Variants in HIP1R observed in about 807,000 individuals in gnomAD.
The protein encoded by HIP1R is huntingtin-interacting protein 1-related protein.
In HIP1R, 135 loss-of-function variants were observed where a neutral mutation model predicts 144.2. The observed-to-expected ratio is 0.94, with a 90% CI of 0.81 to 1.08. The LOEUF (loss-of-function observed/expected upper bound fraction) is 1.08. Among genes scored for constraint, HIP1R ranks in the 50% least tolerant of loss-of-function variants. The pLI, the probability that HIP1R is intolerant of heterozygous loss-of-function variation, is 0.00. For synonymous variants in HIP1R, 698 were observed against 612.8 expected, an observed-to-expected ratio of 1.14 and a Z score of -2.05; for missense variants, 1,462 against 1,432.8, an observed-to-expected ratio of 1.02 and a Z score of -0.33.
rs569194997 is a variant in HIP1R, at chr12:122,860,011, C to T, written c.2466-36C>T. ...CCATGGCGTCGTGTGGGCTGCTCTG[C>T]AGAGCGGCAGCTAAGTCTCTCCTTC... On this transcript the variant is annotated intron_variant, in intron 24 of 31. Coordinates refer to ENST00000253083, the MANE Select transcript of HIP1R (RefSeq NM_003959.3). 22 of 1,541,446 alleles carry T rather than the reference C, an allele frequency of 1.4e-5. No individual in the cohort carries two copies. The South Asian group carries it at 1.8e-4, about 12-fold the overall frequency.
intron 4 of HIP1R, 49 bp from the exon 5 acceptor site, chr12:122,849,826 T>G (rs1051141839): frequency 4.3e-6 from 6 of 1,391,164 alleles, no homozygotes; most frequent in Non-Finnish European, 6.1e-6. Flanking sequence ...TGAGGACTCT[T>G]GGACGTGTTC....
At position 122,856,827 on chromosome 12, in the gene HIP1R, G is replaced by A. The variant is rs77941312; in HGVS notation, c.1620+101G>A. On this transcript the variant is annotated intron_variant, in intron 17 of 31. Coordinates refer to ENST00000253083, the MANE Select transcript of HIP1R (RefSeq NM_003959.3). ...AACAGGCCCCACCTGGGTGCCACTC[G>A]GTGATCCTGGGATGCAGCCCTGACC... is the stretch of plus-strand genomic sequence containing the variant. 9,914 of 1,139,566 alleles carry A rather than the reference G, an allele frequency of 8.7e-3. 597 individuals are homozygous for A. The African/African-American group carries it at 0.13, about 15-fold the overall frequency. 70.6% of individuals were successfully genotyped at this position (1,139,566 alleles called of 1,614,324 possible). A position where few individuals can be genotyped will look rare whatever the true frequency, so the allele number is the denominator to read the frequency against.
chr12:122,848,743 C>T, intron 3 of HIP1R, 53 bp from the exon 4 acceptor site: 5 of 1,606,556 alleles, frequency 3.1e-6, no homozygotes, highest in Middle Eastern at 1.7e-4. Context: ...TGTCTCAGGG[C>T]CCTGCCACAC....
Position 122,859,518 on chromosome 12 carries a change from T to A in HIP1R, c.2388T>A (p.Asp796Glu). The A allele has an allele frequency of 6.2e-7, 1 of 1,612,724 alleles. No homozygotes were observed. Among genetic ancestry groups the A allele is most frequent in the Non-Finnish European group, 8.5e-7 (1 of 1,179,256 alleles). ...CGGCCACATCCGCAGCCATTGAAGATGCTGTGCGGAGGATTGAGGTGAGCA... is the reference window on the plus strand; with the variant it reads ...CGGCCACATCCGCAGCCATTGAAGAAGCTGTGCGGAGGATTGAGGTGAGCA... The part of the protein sequence containing the change: ...EMAATSAAIE[D>E]AVRRIEDMMN... The change falls in exon 23 of 32, where the codon GAT becomes GAA. Residue 796 changes from aspartate (D) to glutamate (E), a missense_variant. Physicochemically the swap from Asp to Glu is conservative, Grantham distance 45. Transcript: ENST00000253083.
intron 21 of HIP1R, 22 bp from the exon 22 acceptor site, chr12:122,859,039 T>C (rs370740155): frequency 5.1e-5 from 82 of 1,605,106 alleles, no homozygotes; most frequent in Admixed American, 1.2e-4. Context: ...GGGGCTCCAC[T>C]CACGGTCCTT....
At chr12:122,860,810 C>T (rs1566116024) in intron 28 of HIP1R, 26 bp downstream of exon 28, 1 of 1,606,942 alleles carries the variant, frequency 6.2e-7, no homozygotes, top group South Asian at 1.1e-5. Flanking sequence ...GACAGCAGCA[C>T]ACTGGGCTCT....
chr12:122,859,694 G>T (rs772128412), intron 23 of HIP1R, 78 bp from the exon 24 acceptor site: 2 of 1,524,374 alleles, frequency 1.3e-6, no homozygotes, highest in Non-Finnish European at 1.8e-6. Flanking sequence ...GAGCTGAGAG[G>T]GCAGGAGGCA....
At position 122,858,487 on chromosome 12, in the gene HIP1R, G is replaced by A. The variant is rs776383675; in HGVS notation, c.2050+52G>A. ...GCGGGGGCTGTGTCCCAGTTCCAGC[G>A]CCCATGGCCACCTCTTGCCTTTTGG... is the stretch of plus-strand genomic sequence containing the variant. On this transcript the variant is annotated intron_variant, in intron 20 of 31. Transcript: ENST00000253083. The A allele has an allele frequency of 6.5e-5, 93 of 1,421,764 alleles. 1 individual carries two copies. Among genetic ancestry groups the A allele is most frequent in the Non-Finnish European group, 8.5e-5 (88 of 1,039,838 alleles). 88.1% of individuals were successfully genotyped at this position (1,421,764 alleles called of 1,614,324 possible).
rs752292652 is a variant in HIP1R at position 122,856,336 on chromosome 12, C to G, written c.1393C>G (p.Leu465Val). 1 of 1,613,868 alleles carries G rather than the reference C, an allele frequency of 6.2e-7. No individual in the cohort carries two copies. The highest frequency in any genetic ancestry group is 1.7e-5 in the Admixed American group (1 of 60,020). The change falls in exon 15 of 32, where the codon CTC (leucine) becomes GTC (valine). Residue 465 changes from leucine (L) to valine (V), a missense_variant. Around this residue, in one of 2 missense-constraint regions of HIP1R, gnomAD observed 1,112 missense variants for 1,011.7 expected, o/e 1.10. Coordinates refer to ENST00000253083, the MANE Select transcript of HIP1R (RefSeq NM_003959.3). ...GCTCGTCCATGTGCACGCGGAGCTG[C>G]TCAGAAAGGTAGGTGCAGCCCATCC... ...SELVHVHAEL[L>V]RKNADTAKQL...
rs1312886403 is a variant in HIP1R at position 122,855,486 on chromosome 12, C to T, written c.994-65C>T. 3.2e-6 allele frequency: 5 copies of T among 1,548,078 alleles called. No individual in the cohort carries two copies. In the East Asian group the frequency reaches 7.3e-5, roughly 23 times the overall value. ...ACGGGAGTGTCGGGTGGCCAGCCCT[C>T]CCTTTGCCCACTGCCCGGCCTGGAG... On this transcript the variant is annotated intron_variant, in intron 11 of 31. Coordinates refer to ENST00000253083, the MANE Select transcript of HIP1R (RefSeq NM_003959.3).
chr12:122,860,863 G>A, intron 28 of HIP1R, 53 bp from the exon 29 acceptor site: 1 of 1,597,454 alleles, frequency 6.3e-7, no homozygotes, highest in Non-Finnish European at 8.5e-7. Flanking sequence ...GCCCAGGCCT[G>A]CTGCTGCCCT....
chr12:122,858,379 T>G lies in HIP1R; in HGVS notation c.1994T>G (p.Leu665Trp), dbSNP rs199861869. Reference sequence around the variant, plus strand: ...CTGGTGAGCAGGGCCCAGGAGGCCTTGGATGCCGTGAGCACCCTGGAGGAG... The same window carrying G: ...CTGGTGAGCAGGGCCCAGGAGGCCTGGGATGCCGTGAGCACCCTGGAGGAG... ...DYLVSRAQEA[L>W]DAVSTLEEGH... Residue 665 changes from leucine (L) to tryptophan (W), a missense_variant, in exon 20 of 32, where the codon TTG (leucine) becomes TGG (tryptophan). This residue lies in a region of HIP1R where 1,112 missense variants were observed against 1,011.7 expected (regional missense o/e 1.10). Coordinates refer to ENST00000253083, the MANE Select transcript of HIP1R (RefSeq NM_003959.3). The G allele has an allele frequency of 6.2e-7, 1 of 1,610,756 alleles. No individual in the cohort carries two copies. The highest frequency in any genetic ancestry group is 1.3e-5 in the African/African-American group (1 of 74,970).
chr12:122,858,490 C>T, intron 20 of HIP1R, 55 bp downstream of exon 20: 2 of 1,397,450 alleles, frequency 1.4e-6, no homozygotes, highest in East Asian at 2.3e-5. Flanking sequence ...TTCCAGCGCC[C>T]ATGGCCACCT....
In HIP1R at chr12:122,840,120, G is replaced by A. The variant is rs866464249; in HGVS notation, c.93+4477G>A. ...GATGCCCTCGTGGTGATGCCCGGCA[G>A]GCCGCTGACTTCCCGACCCCTGGGC... On this transcript the variant is annotated intron_variant, in intron 1 of 31. Transcript: ENST00000253083. The surrounding 1 kb of genome is among the most constrained non-coding windows in gnomAD (Gnocchi z 4.2). Among the ~76,000 whole-genome samples the A allele has an allele frequency of 6.6e-6, 1 of 152,264 alleles. No individual in the cohort carries two copies. The highest frequency in any genetic ancestry group is 2.4e-5 in the African/African-American group (1 of 41,468).
chr12:122,837,137 C>T (rs765398656), intron 1 of HIP1R, among the ~76,000 whole-genome samples: 1 of 152,064 alleles, frequency 6.6e-6, no homozygotes, highest in Non-Finnish European at 1.5e-5. Flanking sequence ...TTTCTCGTGC[C>T]TTTGAGGACG....
Position 122,861,171 on chromosome 12 carries a change from G to T in HIP1R, c.2931G>T (p.Lys977Asn), listed in dbSNP as rs1331362626. Residue 977 changes from lysine to asparagine, a missense_variant, in exon 30 of 32, where the codon AAG (lysine) becomes AAT (asparagine). This residue lies in a region of HIP1R where 1,112 missense variants were observed against 1,011.7 expected (regional missense o/e 1.10). Transcript: ENST00000253083. The part of the protein sequence containing the change: ...DFSGLSLIKL[K>N]KQEMETQVRV... ...CCGGCCTGTCCCTCATCAAGCTGAA[G>T]AAGCAGGAGATGGAGACCCAGGTAG... 2.5e-6 allele frequency: 4 copies of T among 1,609,684 alleles called. No homozygotes were observed. The highest frequency in any genetic ancestry group is 2.5e-6 in the Non-Finnish European group (3 of 1,179,248).
chr12:122,841,909 C>A (rs1428581285), intron 1 of HIP1R, among the ~76,000 whole-genome samples: 1 of 152,128 alleles, frequency 6.6e-6, no homozygotes, highest in Non-Finnish European at 1.5e-5. Context: ...GGGAGCTTTC[C>A]TAAACGCTGA....
intron 12 of HIP1R, 93 bp downstream of exon 12, chr12:122,855,705 G>A: frequency 6.6e-7 from 1 of 1,516,462 alleles, no homozygotes; most frequent in South Asian, 1.2e-5. Flanking sequence ...AAGGCCATAG[G>A]TGGGGAACAT....
chr12:122,862,031 GTTT>G lies in HIP1R; in HGVS notation c.*281_*283del, dbSNP rs1168532529. 2.2e-6 allele frequency: 1 copy of G among 452,958 alleles called. No homozygotes were observed. Among genetic ancestry groups the G allele is most frequent in the African/African-American group, 2.0e-5 (1 of 49,270 alleles). 28.1% of individuals were successfully genotyped at this position (452,958 alleles called of 1,614,324 possible). A position where few individuals can be genotyped will look rare whatever the true frequency, so the allele number is the denominator to read the frequency against. Reference sequence around the variant, plus strand: ...GAGCCTCAACTCTTCAGAAAATAGTGTTTTTAATATTCCTCTTCAGAAAATAGT... The same window carrying G: ...GAGCCTCAACTCTTCAGAAAATAGTGTTAATATTCCTCTTCAGAAAATAGT... On this transcript the variant is annotated 3_prime_UTR_variant, in exon 32 of 32. Transcript: ENST00000253083.
Sources: allele counts gnomAD v4.1 joint callset (sites outside exome capture counted in the v4.1 genomes callset), GRCh38; gene constraint gnomAD v4.1.1; regional missense constraint gnomAD v4.1.1; non-coding constraint Gnocchi (gnomAD v3.1); transcripts MANE v1.5; gene names NCBI Gene and HGNC (gene_info 2026-07-23, HGNC 2026-07-21).